The following CD300C variants were observed in gnomAD, a reference collection of about 807,000 sequenced individuals.
CD300C encodes the protein CMRF35-like molecule 6.
A neutral mutation model predicts 18.4 loss-of-function variants in CD300C; 11 were observed. That is an observed-to-expected ratio of 0.60 (90% CI 0.38 to 0.99). The LOEUF is 0.99. Ranked by LOEUF, CD300C falls within the 50% of genes least tolerant of loss-of-function variation. CD300C has a pLI of 0.01. For synonymous variants in CD300C, 116 were observed against 116.3 expected (o/e 1.00, Z 0.02); for missense variants, 277 against 287.4 (o/e 0.96, Z 0.26).
intron 1 of CD300C, among the ~76,000 whole-genome samples, chr17:74,545,515 C>T (rs560931316): frequency 1.6e-4 from 24 of 152,250 alleles, no homozygotes; most frequent in African/African-American, 4.3e-4. Context: ...CTGTCTCGGG[C>T]ACAGAGGAAT....
chr17:74,539,763 C>G (rs115394069), downstream of CD300C, among the ~76,000 whole-genome samples: 11 of 152,192 alleles, frequency 7.2e-5, no homozygotes, highest in African/African-American at 2.7e-4. Flanking sequence ...GTTCCTTGAC[C>G]TTCCTGGGTT....
chr17:74,543,464 C>A (rs1310513860), intron 2 of CD300C, among the ~76,000 whole-genome samples: 1 of 152,196 alleles, frequency 6.6e-6, no homozygotes, highest in Non-Finnish European at 1.5e-5. Context: ...TGCTGCGGCC[C>A]CACAAGGCCA....
chr17:74,535,262 T>C, the CD300C span, among the ~76,000 whole-genome samples: 1 of 151,690 alleles, frequency 6.6e-6, no homozygotes, highest in Non-Finnish European at 1.5e-5. Context: ...AGGTCATCAG[T>C]TCAAGACCAG....
At chr17:74,541,901 G>C (rs545752089) in intron 3 of CD300C, among the ~76,000 whole-genome samples, 165 bp from the exon 4 acceptor site, 160 of 152,204 alleles carry the variant, frequency 1.1e-3, no homozygotes, top group African/African-American at 3.6e-3. Context: ...CTAACCCTCA[G>C]CCTCGGATTT....
downstream of CD300C, among the ~76,000 whole-genome samples, chr17:74,537,203 G>A (rs190223564): frequency 5.9e-5 from 9 of 151,980 alleles, no homozygotes; most frequent in East Asian, 7.7e-4. Flanking sequence ...AATAAGAAGA[G>A]CACAAAAAAG....
In CD300C at chr17:74,542,984, C is replaced by T. The variant is rs767406999; in HGVS notation, c.404G>A (p.Gly135Glu). The T allele has an allele frequency of 2.5e-6, 4 of 1,613,372 alleles. No individual in the cohort carries two copies. Among genetic ancestry groups the T allele is most frequent in the East Asian group, 4.5e-5 (2 of 44,894 alleles). The change falls in exon 3 of 4, where the codon GGG becomes GAG. Residue 135 changes from glycine (G) to glutamate (E), a missense_variant. By Grantham distance (98) the Gly-to-Glu change is moderately conservative. Coordinates refer to ENST00000330793, the MANE Select transcript of CD300C (RefSeq NM_006678.5). ...CTGGGGGCTGGAGGCTGTGGTCGTC[C>T]CGGCTGTGGGTGAAACACAGGTCAA... Reference protein sequence around the residue: ...VEVEVSVFPAGTTTASSPQSS... With the variant: ...VEVEVSVFPAETTTASSPQSS...
At chr17:74,539,768 TG>T (rs983532497), downstream of CD300C, among the ~76,000 whole-genome samples, 1 of 152,236 alleles carries the variant, frequency 6.6e-6, no homozygotes, top group East Asian at 1.9e-4. Flanking sequence ...TTGACCTTCC[TG>T]GGTTATGGTG....
chr17:74,539,330 C>A (rs1908471655), downstream of CD300C, among the ~76,000 whole-genome samples: 2 of 152,176 alleles, frequency 1.3e-5, no homozygotes, highest in Admixed American at 1.3e-4. Context: ...GCCCCCGACT[C>A]ACATCATGGG....
At position 74,544,875 on chromosome 17, in the gene CD300C, T is replaced by C. The variant is rs1489562167; in HGVS notation, c.134A>G (p.Tyr45Cys). Residue 45 changes from tyrosine to cysteine, a missense_variant, in exon 2 of 4, where the codon TAT (tyrosine) becomes TGT (cysteine). Tyr to Cys is a radical substitution (Grantham distance 194). Transcript: ENST00000330793. ...GTTGAGGGTCCTGTGTTCCTTCTCA[T>C]AGCGACACTGCACACTCAGGGATCC... is the stretch of plus-strand genomic sequence containing the variant. ...VGGSLSVQCR[Y>C]EKEHRTLNKF... 1 of 1,614,152 alleles carries C rather than the reference T, an allele frequency of 6.2e-7. No homozygotes were observed. Among genetic ancestry groups the C allele is most frequent in the Non-Finnish European group, 8.5e-7 (1 of 1,180,014 alleles).
At chr17:74,542,523 A>G (rs1250811666) in intron 3 of CD300C, among the ~76,000 whole-genome samples, 1 of 152,116 alleles carries the variant, frequency 6.6e-6, no homozygotes, top group Non-Finnish European at 1.5e-5. Flanking sequence ...AGCAACTCCA[A>G]CACCTGCACA....
At chr17:74,542,319 C>T (rs940129353) in intron 3 of CD300C, among the ~76,000 whole-genome samples, 5 of 152,126 alleles carry the variant, frequency 3.3e-5, no homozygotes, top group Non-Finnish European at 5.9e-5. Flanking sequence ...CCAGGGCCAC[C>T]GGACCCCAGA....
rs1308600770 is a variant in CD300C, at chr17:74,544,833, G to T, written c.176C>A (p.Pro59Gln). The change falls in exon 2 of 4, where the codon CCA (proline) becomes CAA (glutamine). Residue 59 changes from proline to glutamine, a missense_variant. Pro to Gln is a moderately conservative substitution (Grantham distance 76). Coordinates refer to ENST00000330793, the MANE Select transcript of CD300C (RefSeq NM_006678.5). Reference protein sequence around the residue: ...HRTLNKFWCRPPQILRCDKIV... With the variant: ...HRTLNKFWCRQPQILRCDKIV... ...CTTGTCACATCGGAGAATCTGTGGT[G>T]GTCTGCACCAGAATTTGTTGAGGGT... 2 of 1,614,128 alleles carry T rather than the reference G, an allele frequency of 1.2e-6. No individual in the cohort carries two copies. Among genetic ancestry groups the T allele is most frequent in the Admixed American group, 3.3e-5 (2 of 60,012 alleles).
chr17:74,545,745 G>A lies in CD300C; in HGVS notation c.38C>T (p.Ala13Val), dbSNP rs1467634377. 2.5e-6 allele frequency: 4 copies of A among 1,609,324 alleles called. No individual in the cohort carries two copies. The highest frequency in any genetic ancestry group is 2.7e-5 in the African/African-American group (2 of 74,870). ...ACCTGGGACAAGCAGGAGGAGCAGA[G>A]CTGAAGACCGCCACGAGGCCCAGGC... ...ARAWASWRSSALLLLLVPGYF... is the reference protein window; with the variant it reads ...ARAWASWRSSVLLLLLVPGYF... The change falls in exon 1 of 4, where the codon GCT (alanine) becomes GTT (valine). Residue 13 changes from alanine (A) to valine (V), a missense_variant. Transcript: ENST00000330793.
At chr17:74,535,928 A>T in the CD300C span, among the ~76,000 whole-genome samples, 2 of 152,242 alleles carry the variant, frequency 1.3e-5, no homozygotes, top group Non-Finnish European at 2.9e-5. Context: ...GTCCAAGCAG[A>T]CATAGAAATA....
At chr17:74,539,936 G>A (rs1908491285), downstream of CD300C, among the ~76,000 whole-genome samples, 1 of 152,234 alleles carries the variant, frequency 6.6e-6, no homozygotes, top group South Asian at 2.1e-4. Flanking sequence ...CCTGGGGTCT[G>A]CCAAGGGCAA....
chr17:74,537,422 C>T (rs1314968978), downstream of CD300C, among the ~76,000 whole-genome samples: 2 of 151,936 alleles, frequency 1.3e-5, no homozygotes, highest in South Asian at 2.1e-4. Flanking sequence ...GAGGCTGAGG[C>T]GGATGGATCA....
At chr17:74,537,166 GA>G (rs1425640680), downstream of CD300C, among the ~76,000 whole-genome samples, 1 of 151,934 alleles carries the variant, frequency 6.6e-6, no homozygotes, top group East Asian at 1.9e-4. Flanking sequence ...AGACGAGAGA[GA>G]AAGGATAGAG....
chr17:74,540,502 A>G (rs1908510960), downstream of CD300C, among the ~76,000 whole-genome samples: 1 of 152,064 alleles, frequency 6.6e-6, no homozygotes, highest in Non-Finnish European at 1.5e-5. Context: ...TGTCTGATAC[A>G]CCAAAAGCTC....
chr17:74,538,123 A>T (rs1908435484), downstream of CD300C, among the ~76,000 whole-genome samples: 1 of 152,184 alleles, frequency 6.6e-6, no homozygotes, highest in Non-Finnish European at 1.5e-5. Flanking sequence ...TGTGTGTCTG[A>T]TACATCACAA....
Sources: gnomAD v4.1 joint callset for allele counts (sites outside exome capture counted in the v4.1 genomes callset) on GRCh38, gnomAD v4.1.1 for gene constraint, MANE v1.5 for transcripts, NCBI Gene and HGNC (gene_info 2026-07-23, HGNC 2026-07-21) for gene names.